The following RUNX1 variants were observed in gnomAD, a reference collection of about 807,000 sequenced individuals.
RUNX1 encodes runt-related transcription factor 1.
RUNX1 carries 19 observed loss-of-function variants against 42.8 expected under a neutral mutation model. The observed-to-expected ratio is 0.44, with a 90% CI of 0.31 to 0.65. The LOEUF (loss-of-function observed/expected upper bound fraction) is 0.65. Among genes scored for constraint, RUNX1 ranks in the 30% least tolerant of loss-of-function variants. The pLI is 0.07. For missense variants in RUNX1, 528 were observed against 672.0 expected (o/e 0.79, Z 2.37); for synonymous variants, 271 against 289.4 (o/e 0.94, Z 0.64).
intron 2 of RUNX1, among the ~76,000 whole-genome samples, chr21:34,893,687 C>G (rs191482059): frequency 6.6e-6 from 1 of 151,676 alleles, no homozygotes; most frequent in Non-Finnish European, 1.5e-5. Context: ...AGAGGAAATA[C>G]TGTTCTTTAA....
In RUNX1 at chr21:34,791,474, A is replaced by G. The variant is rs1601330393; in HGVS notation, c.*661T>C. The G allele has an allele frequency of 4.3e-6, 1 of 232,650 alleles. No homozygotes were observed. Among genetic ancestry groups the G allele is most frequent in the Non-Finnish European group, 8.5e-6 (1 of 117,622 alleles). The allele number at this position is 232,650 out of a possible 1,614,324, so 14.4% of individuals were successfully genotyped here. ...AAACAAAAAAAAACAACTACCCAAA[A>G]GTCCAAAAGAAAAGTTAAATAAAAC... is the stretch of plus-strand genomic sequence containing the variant. On this transcript the variant is annotated 3_prime_UTR_variant, in exon 9 of 9. Coordinates refer to ENST00000675419, the MANE Select transcript of RUNX1 (RefSeq NM_001754.5).
intron 2 of RUNX1, among the ~76,000 whole-genome samples, chr21:34,971,706 GGTTCCCATGTGAGGGCAA>G (rs1024613188): frequency 6.6e-6 from 1 of 152,212 alleles, no homozygotes; most frequent in African/African-American, 2.4e-5. Flanking sequence ...GTAGGGCACA[GGTTCCCATGTGAGGGCAA>G]GAGATAGGGA....
chr21:34,806,220 TACATATTG>T (rs1341151320), intron 7 of RUNX1, among the ~76,000 whole-genome samples: 2 of 152,160 alleles, frequency 1.3e-5, no homozygotes, highest in Non-Finnish European at 2.9e-5. Flanking sequence ...AAGACCCAAC[TACATATTG>T]TCTACAAGGG....
intron 2 of RUNX1, among the ~76,000 whole-genome samples, chr21:34,918,996 T>C (rs1410825541): frequency 6.6e-6 from 1 of 152,342 alleles, no homozygotes; most frequent in East Asian, 1.9e-4. Flanking sequence ...GTTTAGTATA[T>C]GCCAGACACT....
chr21:34,835,332 C>T (rs935580312), intron 6 of RUNX1, among the ~76,000 whole-genome samples: 9 of 152,162 alleles, frequency 5.9e-5, no homozygotes, highest in Non-Finnish European at 1.3e-4. Flanking sequence ...AGAATAGGCC[C>T]ACTGGAGCCC....
At chr21:34,810,160 TCTC>T (rs1352091937) in intron 7 of RUNX1, among the ~76,000 whole-genome samples, 3 of 152,248 alleles carry the variant, frequency 2.0e-5, no homozygotes, top group Non-Finnish European at 4.4e-5. Flanking sequence ...CAGTGGGCAT[TCTC>T]CTAGCTGCAG....
At chr21:34,898,542 C>G (rs773594699) in intron 2 of RUNX1, among the ~76,000 whole-genome samples, 10 of 152,154 alleles carry the variant, frequency 6.6e-5, no homozygotes, top group Non-Finnish European at 1.2e-4. Flanking sequence ...ATCTGCTTGA[C>G]TCCTTTGTCA....
intron 7 of RUNX1, among the ~76,000 whole-genome samples, chr21:34,827,231 G>A (rs1206603489): frequency 1.3e-5 from 2 of 152,204 alleles, no homozygotes; most frequent in East Asian, 3.8e-4. Context: ...GAACTTAAGA[G>A]GGATGAACTA....
chr21:34,892,111 C>T (rs1388030155), intron 3 of RUNX1, among the ~76,000 whole-genome samples: 2 of 152,044 alleles, frequency 1.3e-5, no homozygotes, highest in Non-Finnish European at 2.9e-5. Flanking sequence ...TGCAGTACGT[C>T]TAAAAGAATT....
chr21:34,811,503 G>A (rs1022997549), intron 7 of RUNX1, among the ~76,000 whole-genome samples: 5 of 152,130 alleles, frequency 3.3e-5, no homozygotes, highest in Admixed American at 3.3e-4. Context: ...TCTTCTACAC[G>A]CCCTCTGACC....
At chr21:34,956,441 C>T (rs896033056) in intron 2 of RUNX1, among the ~76,000 whole-genome samples, 15 of 152,138 alleles carry the variant, frequency 9.9e-5, no homozygotes, top group Admixed American at 8.5e-4. Flanking sequence ...GAAGTTGTTA[C>T]TGTGAAATTT....
chr21:34,976,980 C>A (rs568392416), intron 2 of RUNX1, among the ~76,000 whole-genome samples: 1 of 152,116 alleles, frequency 6.6e-6, no homozygotes, highest in East Asian at 1.9e-4. Context: ...CTCACTCAAA[C>A]GGGGAAATGT....
Position 34,923,003 on chromosome 21 carries a change from T to C in RUNX1, c.59-30040A>G, listed in dbSNP as rs566118134. ...CTATTTTATAGAGGGAGAAAATAGA[T>C]AGCAATTGGCATGGCCTTGATTAGA... On this transcript the variant is annotated intron_variant, in intron 2 of 8. Coordinates refer to ENST00000675419, the MANE Select transcript of RUNX1 (RefSeq NM_001754.5). 2.6e-5 allele frequency among the ~76,000 whole-genome samples: 4 copies of C among 152,340 alleles called. No individual in the cohort carries two copies. In the East Asian group the frequency reaches 5.8e-4, roughly 22 times the overall value.
chr21:34,856,744 G>T (rs2057499892), intron 6 of RUNX1, among the ~76,000 whole-genome samples: 1 of 152,006 alleles, frequency 6.6e-6, no homozygotes, highest in South Asian at 2.1e-4. Flanking sequence ...GATTCAATTT[G>T]ACCTTGGCAA....
intron 2 of RUNX1, among the ~76,000 whole-genome samples, chr21:34,992,309 C>T (rs191060051): frequency 6.6e-6 from 1 of 152,338 alleles, no homozygotes; most frequent in Non-Finnish European, 1.5e-5. Flanking sequence ...GCATGTTCCT[C>T]TCCCAAGATG....
rs2059210459 is a variant in RUNX1, at chr21:35,022,948, G to C, written c.58+25894C>G. On this transcript the variant is annotated intron_variant, in intron 2 of 8. Coordinates refer to ENST00000675419, the MANE Select transcript of RUNX1 (RefSeq NM_001754.5). ...GCGGAGATTATTTTTTAGTGATTTT[G>C]ACCTTTTTTTTTTTGAGACAAGGTC... 2.0e-5 allele frequency among the ~76,000 whole-genome samples: 3 copies of C among 146,822 alleles called. No homozygotes were observed. The South Asian group carries it at 6.4e-4, about 31-fold the overall frequency.
intron 6 of RUNX1, among the ~76,000 whole-genome samples, chr21:34,836,875 G>A (rs2057154605): frequency 6.6e-6 from 1 of 152,232 alleles, no homozygotes; most frequent in Non-Finnish European, 1.5e-5. Flanking sequence ...GCTCTTGGCA[G>A]TTGTGTCTCT....
intron 4 of RUNX1, among the ~76,000 whole-genome samples, chr21:34,882,933 G>T (rs924700909): frequency 1.3e-5 from 2 of 152,176 alleles, no homozygotes; most frequent in East Asian, 3.8e-4. Context: ...CCTCCACTAC[G>T]TGGGTTTCAA....
In RUNX1 at chr21:35,045,042, A is replaced by G. The variant is rs113367258; in HGVS notation, c.58+3800T>C. Among the ~76,000 whole-genome samples the G allele has an allele frequency of 9.6e-3, 1,459 of 152,252 alleles. 28 individuals are homozygous for G. Among genetic ancestry groups the G allele is most frequent in the African/African-American group, 0.034 (1,394 of 41,526 alleles). ...AGTACAAAGACAATCCTCCCCAAGA[A>G]AGCAGAGCCAAGAGGAGGTTTCTTT... On this transcript the variant is annotated intron_variant, in intron 2 of 8. Coordinates refer to ENST00000675419, the MANE Select transcript of RUNX1 (RefSeq NM_001754.5).
Sources: gnomAD v4.1 joint callset for allele counts (sites outside exome capture counted in the v4.1 genomes callset) on GRCh38, gnomAD v4.1.1 for gene constraint, MANE v1.5 for transcripts, NCBI Gene and HGNC (gene_info 2026-07-23, HGNC 2026-07-21) for gene names.